Variants in CKMT2 observed in about 807,000 individuals in gnomAD.
CKMT2 encodes creatine kinase, mitochondrial 2.
CKMT2 carries 43 observed loss-of-function variants against 48.9 expected under a neutral mutation model. That is an observed-to-expected ratio of 0.88 (90% CI 0.69 to 1.13). The LOEUF (loss-of-function observed/expected upper bound fraction) is 1.13. Ranked by LOEUF, CKMT2 falls within the 50% of genes most tolerant of loss-of-function variation. The pLI, the probability that CKMT2 is intolerant of heterozygous loss-of-function variation, is 0.00. For synonymous variants in CKMT2, 206 were observed against 213.0 expected (o/e 0.97, Z 0.29); for missense variants, 472 against 555.4 (o/e 0.85, Z 1.51).
intron 8 of CKMT2, among the ~76,000 whole-genome samples, chr5:81,261,942 T>C (rs1429187072): frequency 6.6e-6 from 1 of 152,180 alleles, no homozygotes; most frequent in Non-Finnish European, 1.5e-5. Flanking sequence ...CTTCAAACTA[T>C]ACTACAAGGC....
At chr5:81,261,337 T>C (rs2112824433) in intron 8 of CKMT2, among the ~76,000 whole-genome samples, 1 of 152,260 alleles carries the variant, frequency 6.6e-6, no homozygotes. Context: ...CAACATAGTG[T>C]TGGAAGTTCT....
intron 2 of CKMT2, 137 bp from the exon 3 acceptor site, chr5:81,252,558 T>C: frequency 1.2e-6 from 1 of 816,106 alleles, no homozygotes; most frequent in South Asian, 1.6e-5. Context: ...TTATGACTCC[T>C]AGGCAGTTCT....
At chr5:81,252,510 G>A (rs4704715) in intron 2 of CKMT2, among the ~76,000 whole-genome samples, 185 bp from the exon 3 acceptor site, 26,084 of 152,200 alleles carry the variant, frequency 0.17, 2,544 homozygotes, top group Admixed American at 0.27. Flanking sequence ...CCCCGCTCTC[G>A]TGGAGCTTGC....
At chr5:81,247,630 T>C (rs1291843143) in intron 1 of CKMT2, among the ~76,000 whole-genome samples, 3 of 152,226 alleles carry the variant, frequency 2.0e-5, no homozygotes, top group Non-Finnish European at 4.4e-5. Flanking sequence ...TCTGGGTCTT[T>C]GGAGAGCATG....
At chr5:81,234,455 T>C (rs1580427056) in intron 1 of CKMT2, among the ~76,000 whole-genome samples, 1 of 152,298 alleles carries the variant, frequency 6.6e-6, no homozygotes, top group East Asian at 1.9e-4. Flanking sequence ...TGTCCTCTCA[T>C]AGAGGCGAGC....
intron 1 of CKMT2, among the ~76,000 whole-genome samples, chr5:81,249,376 G>C (rs76843497): frequency 6.6e-6 from 1 of 151,954 alleles, no homozygotes; most frequent in Non-Finnish European, 1.5e-5. Flanking sequence ...CCACCATCCC[G>C]GGCCCATACA....
rs750690898 is a variant in CKMT2 at position 81,254,420 on chromosome 5, G to A, written c.376G>A (p.Val126Ile). ...YEVFADLFDPVIKLRHNGYDP... is the reference protein window; with the variant it reads ...YEVFADLFDPIIKLRHNGYDP... Reference sequence around the variant, plus strand: ...GGTGTTTGCTGACCTTTTTGACCCCGTCATCAAACTAAGACACAACGGCTA... The same window carrying A: ...GGTGTTTGCTGACCTTTTTGACCCCATCATCAAACTAAGACACAACGGCTA... The change falls in exon 4 of 10, where the codon GTC becomes ATC. Residue 126 changes from valine to isoleucine, a missense_variant. Transcript: ENST00000254035. 8.1e-6 allele frequency: 13 copies of A among 1,613,932 alleles called. No homozygotes were observed. The highest frequency in any genetic ancestry group is 4.4e-5 in the South Asian group (4 of 91,074).
chr5:81,241,091 C>A (rs1430573641), intron 1 of CKMT2, among the ~76,000 whole-genome samples: 1 of 152,190 alleles, frequency 6.6e-6, no homozygotes, highest in Non-Finnish European at 1.5e-5. Context: ...GTTCTACATT[C>A]ATTGGGTCTT....
Position 81,255,060 on chromosome 5 carries a change from G to C in CKMT2, c.515G>C (p.Arg172Pro), listed in dbSNP as rs202243261. Residue 172 changes from arginine to proline, a missense_variant, in exon 5 of 10, where the codon CGT (arginine) becomes CCT (proline). By Grantham distance (103) the Arg-to-Pro change is moderately radical. Transcript: ENST00000254035. ...SSRVRTGRSI[R>P]GLSLPPACTR... ...CGGGTGCGCACTGGCCGCAGCATCC[G>C]TGGGCTGAGCCTGCCTCCAGCCTGC... 6.2e-7 allele frequency: 1 copy of C among 1,613,858 alleles called. No homozygotes were observed. Among genetic ancestry groups the C allele is most frequent in the African/African-American group, 1.3e-5 (1 of 74,936 alleles).
At chr5:81,254,318 A>C (rs937887196) in intron 3 of CKMT2, 78 bp from the exon 4 acceptor site, 1 of 1,263,778 alleles carries the variant, frequency 7.9e-7, no homozygotes, top group Non-Finnish European at 1.2e-6. Flanking sequence ...TTTAAGATAC[A>C]AGGGGCAAGT....
chr5:81,256,319 T>G (rs533804648), intron 5 of CKMT2, among the ~76,000 whole-genome samples: 16 of 132,492 alleles, frequency 1.2e-4, no homozygotes, highest in Admixed American at 2.5e-4. Context: ...GGTTGTTTGA[T>G]CTCTCTGAAT....
At position 81,255,144 on chromosome 5, in the gene CKMT2, A is replaced by T; in HGVS notation, c.599A>T (p.Lys200Met). Reference protein sequence around the residue: ...NVAITALEGLKGDLAGRYYKL... With the variant: ...NVAITALEGLMGDLAGRYYKL... ...GCCATCACTGCCCTGGAGGGCCTCA[A>T]GGGGGACCTGGCTGGCCGCTACTAC... Residue 200 changes from lysine to methionine, a missense_variant, in exon 5 of 10, where the codon AAG becomes ATG. By Grantham distance (95) the Lys-to-Met change is moderately conservative. Coordinates refer to ENST00000254035, the MANE Select transcript of CKMT2 (RefSeq NM_001099735.2). 6.2e-7 allele frequency: 1 copy of T among 1,614,106 alleles called. No individual in the cohort carries two copies. Among genetic ancestry groups the T allele is most frequent in the Non-Finnish European group, 8.5e-7 (1 of 1,180,028 alleles).
chr5:81,263,342 T>G (rs1757290487), intron 8 of CKMT2, 149 bp from the exon 9 acceptor site: 1 of 211,408 alleles, frequency 4.7e-6, no homozygotes, highest in Non-Finnish European at 8.5e-6. Context: ...ATATTCAATA[T>G]ATATATCTAT....
intron 9 of CKMT2, among the ~76,000 whole-genome samples, chr5:81,265,016 C>A (rs1290385064): frequency 6.6e-6 from 1 of 152,044 alleles, no homozygotes; most frequent in Non-Finnish European, 1.5e-5. Flanking sequence ...TAATCCATTA[C>A]CTATTTAATG....
intron 1 of CKMT2, chr5:81,242,565 T>C (rs1192493788): frequency 2.5e-6 from 1 of 400,270 alleles, no homozygotes; most frequent in African/African-American, 2.1e-5. Context: ...CTCATCAGAA[T>C]TGGATGCAGG....
intron 8 of CKMT2, among the ~76,000 whole-genome samples, chr5:81,262,704 A>G (rs966313168): frequency 6.6e-6 from 1 of 152,202 alleles, no homozygotes; most frequent in Non-Finnish European, 1.5e-5. Context: ...ATGTGGAGAA[A>G]TAGGAATGCT....
chr5:81,234,862 A>G (rs1756203970), intron 1 of CKMT2, among the ~76,000 whole-genome samples: 1 of 152,138 alleles, frequency 6.6e-6, no homozygotes, highest in African/African-American at 2.4e-5. Flanking sequence ...CATAGCCTAC[A>G]GCAGGCTCCA....
intron 1 of CKMT2, among the ~76,000 whole-genome samples, chr5:81,240,241 T>C (rs1433819001): frequency 7.2e-5 from 11 of 152,198 alleles, no homozygotes; most frequent in Non-Finnish European, 1.6e-4. Context: ...GTGACACCTG[T>C]GTGCTGTGGG....
intron 4 of CKMT2, 140 bp from the exon 5 acceptor site, chr5:81,254,853 T>C (rs903842491): frequency 1.4e-6 from 1 of 716,282 alleles, no homozygotes; most frequent in East Asian, 2.7e-5. Context: ...CCGGAATGTG[T>C]CCAATTTACG....
Sources: allele counts gnomAD v4.1 joint callset (sites outside exome capture counted in the v4.1 genomes callset), GRCh38; gene constraint gnomAD v4.1.1; transcripts MANE v1.5; gene names NCBI Gene and HGNC (gene_info 2026-07-23, HGNC 2026-07-21).